The following SLC25A26 variants were observed in gnomAD, a reference collection of about 807,000 sequenced individuals.
SLC25A26 encodes mitochondrial S-adenosylmethionine carrier protein.
In SLC25A26, 36 loss-of-function variants were observed where a neutral mutation model predicts 37.8. The ratio of observed to expected loss-of-function variants is 0.95; its 90% CI spans 0.73 to 1.26. SLC25A26 has a LOEUF of 1.26. Ranked by LOEUF, SLC25A26 falls within the 50% of genes most tolerant of loss-of-function variation. SLC25A26 has a pLI of 0.00. For missense variants in SLC25A26, 390 were observed against 331.1 expected (o/e 1.18, Z -1.38); for synonymous variants, 129 against 122.5 (o/e 1.05, Z -0.35).
intron 1 of SLC25A26, among the ~76,000 whole-genome samples, chr3:66,208,358 T>G (rs1197293822): frequency 1.3e-5 from 2 of 150,590 alleles, no homozygotes; most frequent in Non-Finnish European, 3.0e-5. Context: ...TGAGAGAACC[T>G]TTTTTTTTAA....
In SLC25A26 at chr3:66,233,531, G is replaced by A. The variant is rs976815023; in HGVS notation, c.34-3013G>A. Among the ~76,000 whole-genome samples the A allele has an allele frequency of 4.6e-5, 7 of 152,270 alleles. No individual in the cohort carries two copies. The East Asian group carries it at 1.3e-3, about 29-fold the overall frequency. On this transcript the variant is annotated intron_variant, in intron 1 of 9. Transcript: ENST00000354883. ...GGCTAAAGAATAAAAGAGTTTGATG[G>A]AGTTCTTTATAATTAGGTTGTTACT... is the stretch of plus-strand genomic sequence containing the variant.
chr3:66,293,661 T>G (rs1053244475), intron 5 of SLC25A26, among the ~76,000 whole-genome samples: 2 of 152,174 alleles, frequency 1.3e-5, no homozygotes, highest in Non-Finnish European at 2.9e-5. Flanking sequence ...TCTTTCTGCA[T>G]TAGTTTGCAA....
chr3:66,233,795 C>A (rs1285695706), intron 1 of SLC25A26, among the ~76,000 whole-genome samples: 1 of 151,700 alleles, frequency 6.6e-6, no homozygotes, highest in East Asian at 1.9e-4. Context: ...TGATGTTTTA[C>A]CAGACAAGTA....
intron 5 of SLC25A26, chr3:66,293,134 G>A (rs1179714405): frequency 2.0e-5 from 3 of 151,874 alleles, no homozygotes; most frequent in Non-Finnish European, 2.9e-5. Context: ...AAAGCTTCAC[G>A]AATTTGCATG....
chr3:66,318,328 GA>G (rs2075597085), intron 5 of SLC25A26, among the ~76,000 whole-genome samples: 1 of 152,194 alleles, frequency 6.6e-6, no homozygotes, highest in Non-Finnish European at 1.5e-5. Flanking sequence ...GGGACCTGCT[GA>G]TCTGTGGATT....
chr3:66,140,043 G>C (rs1229810699), intron 1 of SLC25A26, among the ~76,000 whole-genome samples: 1 of 152,180 alleles, frequency 6.6e-6, no homozygotes, highest in Non-Finnish European at 1.5e-5. Flanking sequence ...TCATGGAACT[G>C]AGAGATCAGA....
intron 2 of SLC25A26, among the ~76,000 whole-genome samples, chr3:66,240,451 C>G (rs1174881357): frequency 6.6e-6 from 1 of 152,030 alleles, no homozygotes; most frequent in Non-Finnish European, 1.5e-5. Flanking sequence ...CCACACCTGG[C>G]TAATTATTTA....
intron 7 of SLC25A26, among the ~76,000 whole-genome samples, chr3:66,366,948 C>A (rs2076836390): frequency 6.6e-6 from 1 of 152,316 alleles, no homozygotes; most frequent in South Asian, 2.1e-4. Flanking sequence ...ATGAAAGTGC[C>A]TAGTGCATTC....
chr3:66,274,710 C>G (rs1430991122), intron 5 of SLC25A26, among the ~76,000 whole-genome samples: 2 of 152,182 alleles, frequency 1.3e-5, no homozygotes, highest in Admixed American at 6.5e-5. Context: ...GATACCATCT[C>G]ACACCAGTTA....
In SLC25A26 at chr3:66,277,534, T is replaced by A. The variant is rs553249721; in HGVS notation, c.453+14155T>A. Among the ~76,000 whole-genome samples, 9 of 152,212 alleles carry A rather than the reference T, an allele frequency of 5.9e-5. No individual in the cohort carries two copies. The East Asian group carries it at 1.5e-3, about 26-fold the overall frequency. On this transcript the variant is annotated intron_variant, in intron 5 of 9. Transcript: ENST00000354883. ...AAGGTACAGCATGAAAAGTGATGGA[T>A]GTGTTAATTAATTTGATTGTGGTAA...
chr3:66,347,422 A>C (rs772350623), intron 6 of SLC25A26, among the ~76,000 whole-genome samples: 31 of 152,220 alleles, frequency 2.0e-4, no homozygotes, highest in Non-Finnish European at 3.2e-4. Flanking sequence ...AACCACAATG[A>C]GATACCGTCT....
intron 1 of SLC25A26, among the ~76,000 whole-genome samples, chr3:66,202,191 A>G (rs2071119865): frequency 6.6e-6 from 1 of 152,200 alleles, no homozygotes; most frequent in Non-Finnish European, 1.5e-5. Flanking sequence ...ATAAAAAAGA[A>G]TGAATTCATG....
At chr3:66,146,556 A>T (rs2070117622) in intron 1 of SLC25A26, among the ~76,000 whole-genome samples, 1 of 152,120 alleles carries the variant, frequency 6.6e-6, no homozygotes, top group Non-Finnish European at 1.5e-5. Context: ...GGGGGAAGAG[A>T]AAACTAATAT....
At position 66,346,442 on chromosome 3, in the gene SLC25A26, C is replaced by T. The variant is rs1259846626; in HGVS notation, c.498+34C>T. On this transcript the variant is annotated intron_variant, in intron 6 of 9. Transcript: ENST00000354883. ...CTCAGTCTTCACATAAAATTTGTCT[C>T]TAATTATAACATACCTAATAGTTTG... The T allele has an allele frequency of 5.1e-6, 6 of 1,169,960 alleles. No individual in the cohort carries two copies. In the South Asian group the frequency reaches 8.2e-5, roughly 16 times the overall value. 72.5% of individuals were successfully genotyped at this position (1,169,960 alleles called of 1,614,324 possible). A position where few individuals can be genotyped will look rare whatever the true frequency, so the allele number is the denominator to read the frequency against.
rs185694716 is a variant in SLC25A26 at position 66,284,585 on chromosome 3, A to G, written c.453+21206A>G. On this transcript the variant is annotated intron_variant, in intron 5 of 9. Transcript: ENST00000354883. ...TGAGATAAATGTTTCTCAATATGAG[A>G]AAAAATAAACTATGATATGTAAGTG... Among the ~76,000 whole-genome samples the G allele has an allele frequency of 1.2e-4, 18 of 152,324 alleles. No homozygotes were observed. The East Asian group carries it at 3.5e-3, about 29-fold the overall frequency.
At chr3:66,175,140 T>TATATACACACACACAC (rs1413714739) in intron 1 of SLC25A26, among the ~76,000 whole-genome samples, 5 of 67,046 alleles carry the variant, frequency 7.5e-5, no homozygotes, top group African/African-American at 2.6e-4. Flanking sequence ...TATATATATA[T>TATATACACACACACAC]ACACACACAC....
intron 3 of SLC25A26, among the ~76,000 whole-genome samples, chr3:66,260,063 A>G (rs1250175223): frequency 6.6e-6 from 1 of 151,838 alleles, no homozygotes; most frequent in South Asian, 2.1e-4. Context: ...TGCCCTTTCC[A>G]CCTTTCTTGC....
chr3:66,218,863 C>A, upstream of SLC25A26, among the ~76,000 whole-genome samples: 1 of 152,152 alleles, frequency 6.6e-6, no homozygotes, highest in East Asian at 1.9e-4. Context: ...TTGGATCCTG[C>A]GGTCATGATC....
At chr3:66,251,673 A>G (rs996325696) in intron 3 of SLC25A26, among the ~76,000 whole-genome samples, 7 of 152,174 alleles carry the variant, frequency 4.6e-5, no homozygotes, top group South Asian at 2.1e-4. Context: ...TTATTCATCT[A>G]TAGTACAGGC....
Sources: gnomAD v4.1 joint callset for allele counts (sites outside exome capture counted in the v4.1 genomes callset) on GRCh38, gnomAD v4.1.1 for gene constraint, MANE v1.5 for transcripts, NCBI Gene and HGNC (gene_info 2026-07-23, HGNC 2026-07-21) for gene names.